Variants in CTTN observed in about 807,000 individuals in gnomAD.
CTTN encodes the protein src substrate cortactin.
CTTN carries 28 observed loss-of-function variants against 84.0 expected under a neutral mutation model. The observed-to-expected ratio is 0.33, with a 90% CI of 0.25 to 0.46. The LOEUF (loss-of-function observed/expected upper bound fraction) is 0.46, where lower values mean the gene tolerates loss of function less well. Ranked by LOEUF, CTTN falls within the 20% of genes least tolerant of loss-of-function variation. The probability of loss-of-function intolerance (pLI) is 1.00; values close to 1 mark genes in which losing one functional copy is unlikely to be tolerated. For missense variants in CTTN, 641 were observed against 723.8 expected (o/e 0.89, Z 1.31); for synonymous variants, 301 against 288.8 (o/e 1.04, Z -0.43).
intron 16 of CTTN, 141 bp from the exon 17 acceptor site, chr11:70,433,506 C>T: frequency 1.2e-6 from 1 of 806,072 alleles, no homozygotes; most frequent in Non-Finnish European, 2.1e-6. Flanking sequence ...GACGGGTGGG[C>T]AGGGGCAGAG....
rs2058415295 is a variant in CTTN, at chr11:70,436,180, G to T, written c.*1018G>T. 6.6e-7 allele frequency: 1 copy of T among 1,513,154 alleles called. No individual in the cohort carries two copies. Among genetic ancestry groups the T allele is most frequent in the African/African-American group, 1.4e-5 (1 of 72,368 alleles). The allele number at this position is 1,513,154 out of a possible 1,614,324, so 93.7% of individuals were successfully genotyped here. A position where few individuals can be genotyped will look rare whatever the true frequency, so the allele number is the denominator to read the frequency against. ...AATTTCAGTAGTTTGATCAGTTGAA[G>T]GCTAGAAGTGTGAAGTGCAGATGAG... On this transcript the variant is annotated 3_prime_UTR_variant, in exon 18 of 18. Transcript: ENST00000301843.
rs761446124 is a variant in CTTN at position 70,436,274 on chromosome 11, C to A, written c.*1112C>A. On this transcript the variant is annotated 3_prime_UTR_variant, in exon 18 of 18. Transcript: ENST00000301843. ...CTGTCCTGGCATTTGTGGCCACTCA[C>A]TTTGTAGGAAACTCATCTCCTTCCT... 4.4e-6 allele frequency: 7 copies of A among 1,597,792 alleles called. No homozygotes were observed. The highest frequency in any genetic ancestry group is 5.1e-6 in the Non-Finnish European group (6 of 1,179,630).
chr11:70,422,040 T>C (rs886766583), intron 11 of CTTN: 1 of 230,576 alleles, frequency 4.3e-6, no homozygotes, highest in Non-Finnish European at 8.7e-6. Context: ...ACAGGCGTGT[T>C]CTGTGTGGTT....
At chr11:70,428,847 C>T (rs185997573) in intron 13 of CTTN, among the ~76,000 whole-genome samples, 2 of 152,352 alleles carry the variant, frequency 1.3e-5, no homozygotes, top group East Asian at 1.9e-4. Context: ...GCCAGTCCCA[C>T]CAGGTACGCA....
At chr11:70,414,776 G>A in intron 6 of CTTN, 124 bp downstream of exon 6, 1 of 662,728 alleles carries the variant, frequency 1.5e-6, no homozygotes, top group Non-Finnish European at 2.7e-6. Context: ...GGACTGCAGA[G>A]AGGGGCATCT....
chr11:70,416,942 C>T (rs886876075), intron 7 of CTTN, 71 bp from the exon 8 acceptor site: 1 of 1,082,900 alleles, frequency 9.2e-7, no homozygotes, highest in Admixed American at 1.7e-5. Context: ...CACACTTTTG[C>T]TTAGTTTAAC....
intron 16 of CTTN, 78 bp downstream of exon 16, chr11:70,433,356 T>C: frequency 1.4e-6 from 2 of 1,424,892 alleles, no homozygotes; most frequent in Non-Finnish European, 1.9e-6. Flanking sequence ...GTGGCGTCGT[T>C]GCGAGGAGCG....
At position 70,398,788 on chromosome 11, in the gene CTTN, G is replaced by A. The variant is rs1223957147; in HGVS notation, c.-98+174G>A. On this transcript the variant is annotated intron_variant, in intron 1 of 17. Coordinates refer to ENST00000301843, the MANE Select transcript of CTTN (RefSeq NM_005231.4). ...GGCGAGGCTTTCCCGGCCTGGGGCG[G>A]GGCAGGGCGAGGGCCGGGGGTCCGC... Among the ~76,000 whole-genome samples, 7 of 152,080 alleles carry A rather than the reference G, an allele frequency of 4.6e-5. No individual in the cohort carries two copies. The East Asian group carries it at 1.4e-3, about 30-fold the overall frequency.
At chr11:70,428,372 G>T (rs1292883493) in intron 13 of CTTN, among the ~76,000 whole-genome samples, 1 of 151,944 alleles carries the variant, frequency 6.6e-6, no homozygotes, top group Non-Finnish European at 1.5e-5. Flanking sequence ...CACCATGTTG[G>T]CCAGGATGGT....
chr11:70,422,740 C>G, intron 11 of CTTN, 200 bp from the exon 12 acceptor site: 1 of 1,451,510 alleles, frequency 6.9e-7, no homozygotes, highest in Admixed American at 2.2e-5. Flanking sequence ...GGCCTGTGCT[C>G]TGCTTCTCAC....
intron 1 of CTTN, 66 bp from the exon 2 acceptor site, chr11:70,405,199 A>G (rs1222695138): frequency 1.3e-5 from 2 of 152,238 alleles, no homozygotes; most frequent in Non-Finnish European, 2.9e-5. Context: ...TCCACACAGA[A>G]GGGTTTGCCC....
chr11:70,407,189 T>C, intron 2 of CTTN, 109 bp from the exon 3 acceptor site: 3 of 804,600 alleles, frequency 3.7e-6, no homozygotes, highest in Non-Finnish European at 6.1e-6. Context: ...TGCAGCCTCG[T>C]CCTCCTGGGT....
intron 1 of CTTN, among the ~76,000 whole-genome samples, chr11:70,402,485 C>T (rs1218919049): frequency 6.6e-6 from 1 of 152,192 alleles, no homozygotes; most frequent in Non-Finnish European, 1.5e-5. Context: ...ACCTCCCTAT[C>T]CTCACCACCA....
chr11:70,425,099 A>G (rs2058286251), intron 12 of CTTN, among the ~76,000 whole-genome samples: 1 of 152,124 alleles, frequency 6.6e-6, no homozygotes, highest in Non-Finnish European at 1.5e-5. Flanking sequence ...GCAGATGGAG[A>G]TACATGCATT....
chr11:70,403,659 T>G (rs1165342477), intron 1 of CTTN, among the ~76,000 whole-genome samples: 1 of 152,212 alleles, frequency 6.6e-6, no homozygotes, highest in Non-Finnish European at 1.5e-5. Flanking sequence ...TCACAAAAAT[T>G]TACACCCTTT....
Position 70,418,779 on chromosome 11 carries a change from CT to C in CTTN, c.569-951del, listed in dbSNP as rs1222632596. On this transcript the variant is annotated intron_variant, in intron 8 of 17. Coordinates refer to ENST00000301843, the MANE Select transcript of CTTN (RefSeq NM_005231.4). ...GGAATTCATCTGCTGTACTTTATTT[CT>C]TTTTTTTTTTTTTTTGAGACGGAGT... Among the ~76,000 whole-genome samples the C allele has an allele frequency of 5.7e-3, 805 of 140,834 alleles. 7 individuals carry two copies. The highest frequency in any genetic ancestry group is 0.013 in the African/African-American group (497 of 38,338). 92.4% of individuals were successfully genotyped at this position (140,834 alleles called of 152,430 possible). A position where few individuals can be genotyped will look rare whatever the true frequency, so the allele number is the denominator to read the frequency against.
At chr11:70,411,770 C>T (rs189572805) in intron 5 of CTTN, among the ~76,000 whole-genome samples, 23 of 152,266 alleles carry the variant, frequency 1.5e-4, no homozygotes, top group Middle Eastern at 3.4e-3. Context: ...CCTGGAAGAG[C>T]CCTCACTTCC....
intron 5 of CTTN, among the ~76,000 whole-genome samples, chr11:70,413,629 G>A (rs2058120599): frequency 6.6e-6 from 1 of 152,106 alleles, no homozygotes; most frequent in African/African-American, 2.4e-5. Flanking sequence ...TGCTGGCTTT[G>A]GCGAACAGAA....
rs891487996 is a variant in CTTN at position 70,435,820 on chromosome 11, G to C, written c.*658G>C. 1.6e-5 allele frequency: 25 copies of C among 1,551,024 alleles called. No homozygotes were observed. Among genetic ancestry groups the C allele is most frequent in the Non-Finnish European group, 2.2e-5 (25 of 1,156,494 alleles). On this transcript the variant is annotated 3_prime_UTR_variant, in exon 18 of 18. Transcript: ENST00000301843. Reference sequence around the variant, plus strand: ...TCCTCATCTCTACCCATCCCCTGATGCCCAGGTCACCGGGAGGGCTGCTGG... The same window carrying C: ...TCCTCATCTCTACCCATCCCCTGATCCCCAGGTCACCGGGAGGGCTGCTGG...
Sources: gnomAD v4.1 joint callset for allele counts (sites outside exome capture counted in the v4.1 genomes callset) on GRCh38, gnomAD v4.1.1 for gene constraint, MANE v1.5 for transcripts, NCBI Gene and HGNC (gene_info 2026-07-23, HGNC 2026-07-21) for gene names.